The following ZBTB7C variants were observed in gnomAD, a reference collection of about 807,000 sequenced individuals.
ZBTB7C encodes the protein zinc finger and BTB domain containing 7C.
A neutral mutation model predicts 25.7 loss-of-function variants in ZBTB7C; 8 were observed. That is an observed-to-expected ratio of 0.31 (90% CI 0.18 to 0.56). The LOEUF is 0.56. ZBTB7C is among the 20% of genes least tolerant of loss of function. The pLI, the probability that ZBTB7C is intolerant of heterozygous loss-of-function variation, is 0.91. For synonymous variants in ZBTB7C, 394 were observed against 369.0 expected (o/e 1.07, Z -0.78); for missense variants, 824 against 855.2 (o/e 0.96, Z 0.46).
intron 3 of ZBTB7C, among the ~76,000 whole-genome samples, chr18:48,086,301 A>AT (rs2038189412): frequency 6.6e-6 from 1 of 152,182 alleles, no homozygotes. Flanking sequence ...TATCATCCCC[A>AT]TTTTATAGGT....
At chr18:48,239,342 C>A (rs1490477236) in intron 2 of ZBTB7C, among the ~76,000 whole-genome samples, 2 of 152,166 alleles carry the variant, frequency 1.3e-5, no homozygotes, top group African/African-American at 4.8e-5. Flanking sequence ...AAGCTTGTAT[C>A]AGCTGATGCT....
chr18:48,073,334 A>G (rs1449630477), intron 3 of ZBTB7C, among the ~76,000 whole-genome samples: 1 of 152,108 alleles, frequency 6.6e-6, no homozygotes, highest in Non-Finnish European at 1.5e-5. Flanking sequence ...TCAGCAAATC[A>G]GGAACAGATG....
chr18:48,299,503 C>T (rs1332305650), intron 2 of ZBTB7C, among the ~76,000 whole-genome samples: 1 of 152,242 alleles, frequency 6.6e-6, no homozygotes, highest in Non-Finnish European at 1.5e-5. Context: ...AAGAGAGAAA[C>T]TGAACTTTGC....
In ZBTB7C at chr18:48,328,282, T is replaced by C. The variant is rs80220393; in HGVS notation, c.-79+9892A>G. Reference sequence around the variant, plus strand: ...GTTTAATATGTATCTATTTTCCAGATCCATGGTAACAGTAGAGATATAGAC... The same window carrying C: ...GTTTAATATGTATCTATTTTCCAGACCCATGGTAACAGTAGAGATATAGAC... On this transcript the variant is annotated intron_variant, in intron 2 of 4. Coordinates refer to ENST00000590800, the MANE Select transcript of ZBTB7C (RefSeq NM_001318841.2). 8.9e-3 allele frequency among the ~76,000 whole-genome samples: 1,358 copies of C among 151,824 alleles called. 27 individuals carry two copies. Among genetic ancestry groups the C allele is most frequent in the East Asian group, 0.039 (202 of 5,158 alleles).
chr18:48,046,363 C>T (rs755801082), intron 3 of ZBTB7C, among the ~76,000 whole-genome samples: 2 of 152,200 alleles, frequency 1.3e-5, no homozygotes, highest in Non-Finnish European at 2.9e-5. Flanking sequence ...CTAATTCTCA[C>T]AAAGCCACCC....
chr18:48,034,346 G>A (rs986812377), intron 4 of ZBTB7C, among the ~76,000 whole-genome samples: 1 of 152,070 alleles, frequency 6.6e-6, no homozygotes, highest in African/African-American at 2.4e-5. Flanking sequence ...CTGGACTGCC[G>A]GTCCCCCAGT....
At chr18:48,309,733 C>T (rs76179534) in intron 2 of ZBTB7C, among the ~76,000 whole-genome samples, 1,672 of 152,290 alleles carry the variant, frequency 0.011, 32 homozygotes, top group African/African-American at 0.038. Context: ...GAAACTGAGT[C>T]TTATAAAAAA....
At chr18:48,076,669 C>T (rs1323612746) in intron 3 of ZBTB7C, among the ~76,000 whole-genome samples, 1 of 152,158 alleles carries the variant, frequency 6.6e-6, no homozygotes, top group Non-Finnish European at 1.5e-5. Context: ...GTGAGGGGCT[C>T]TGGGCTTGGC....
At chr18:48,219,279 C>T (rs1005397936) in intron 2 of ZBTB7C, among the ~76,000 whole-genome samples, 5 of 152,190 alleles carry the variant, frequency 3.3e-5, no homozygotes. Flanking sequence ...CCCTGCCCTC[C>T]CAGGCACTGC....
At chr18:48,050,644 C>T (rs888729258) in intron 3 of ZBTB7C, among the ~76,000 whole-genome samples, 2 of 152,174 alleles carry the variant, frequency 1.3e-5, no homozygotes, top group African/African-American at 4.8e-5. Context: ...TCCTCTTTCC[C>T]TGCAATGTCC....
chr18:48,318,021 G>A (rs759845765), intron 2 of ZBTB7C, among the ~76,000 whole-genome samples: 23 of 149,358 alleles, frequency 1.5e-4, no homozygotes, highest in Non-Finnish European at 2.7e-4. Context: ...TGAGGCGCAT[G>A]CGCACTAGCT....
intron 2 of ZBTB7C, among the ~76,000 whole-genome samples, chr18:48,271,802 GA>G (rs1480437647): frequency 6.6e-6 from 1 of 151,772 alleles, no homozygotes; most frequent in Non-Finnish European, 1.5e-5. Context: ...GGTAAATTAG[GA>G]ATAGAAAATA....
chr18:48,350,481 C>T (rs1431218330), intron 1 of ZBTB7C: 3 of 152,344 alleles, frequency 2.0e-5, no homozygotes, highest in South Asian at 2.1e-4. Flanking sequence ...ATTTCCCCAT[C>T]TCAGTATCTA....
At chr18:48,165,224 C>T (rs1245886425) in intron 3 of ZBTB7C, 2 of 825,344 alleles carry the variant, frequency 2.4e-6, no homozygotes, top group Admixed American at 2.3e-5. Context: ...GAGCTCCCAG[C>T]CTCCTGTTGG....
chr18:48,114,673 T>C (rs1006330342), intron 3 of ZBTB7C, among the ~76,000 whole-genome samples: 1 of 152,064 alleles, frequency 6.6e-6, no homozygotes, highest in African/African-American at 2.4e-5. Context: ...ATCTCCAATA[T>C]TACTGACCCC....
intron 2 of ZBTB7C, among the ~76,000 whole-genome samples, chr18:48,201,314 A>T (rs534867605): frequency 6.6e-6 from 1 of 152,372 alleles, no homozygotes; most frequent in East Asian, 1.9e-4. Context: ...ACAGACATGC[A>T]TGAATGCTGG....
chr18:48,216,668 A>G (rs546332860), intron 2 of ZBTB7C, among the ~76,000 whole-genome samples: 1 of 152,164 alleles, frequency 6.6e-6, no homozygotes, highest in East Asian at 1.9e-4. Flanking sequence ...AGAAGCCAGC[A>G]GTCATCCTAA....
At chr18:48,124,096 C>G (rs1399475060) in intron 3 of ZBTB7C, among the ~76,000 whole-genome samples, 1 of 152,220 alleles carries the variant, frequency 6.6e-6, no homozygotes, top group Non-Finnish European at 1.5e-5. Context: ...AGGCTGGGTA[C>G]TATCTCCCCA....
At chr18:48,294,720 C>T (rs1568358748) in intron 2 of ZBTB7C, among the ~76,000 whole-genome samples, 1 of 151,908 alleles carries the variant, frequency 6.6e-6, no homozygotes, top group East Asian at 1.9e-4. Flanking sequence ...CTTCACCCCT[C>T]CCCCAACACC....
Sources: allele counts gnomAD v4.1 joint callset (sites outside exome capture counted in the v4.1 genomes callset), GRCh38; gene constraint gnomAD v4.1.1; transcripts MANE v1.5; gene names NCBI Gene and HGNC (gene_info 2026-07-23, HGNC 2026-07-21).